Variants in PGAM5 observed in about 807,000 individuals in gnomAD.
PGAM5 encodes the protein PGAM family member 5, mitochondrial serine/threonine protein phosphatase, also known as serine/threonine-protein phosphatase PGAM5, mitochondrial.
A neutral mutation model predicts 30.6 loss-of-function variants in PGAM5; 25 were observed. That is an observed-to-expected ratio of 0.82 (90% CI 0.60 to 1.14). PGAM5 has a LOEUF of 1.14. PGAM5 is among the 50% of genes most tolerant of loss of function. The probability of loss-of-function intolerance (pLI) is 0.00; values close to 1 mark genes in which losing one functional copy is unlikely to be tolerated. For synonymous variants in PGAM5, 201 were observed against 179.1 expected (o/e 1.12, Z -0.98); for missense variants, 384 against 408.5 (o/e 0.94, Z 0.52).
intron 1 of PGAM5, among the ~76,000 whole-genome samples, chr12:132,714,301 G>C (rs7487204): frequency 0.13 from 19,532 of 152,298 alleles, 1,548 homozygotes; most frequent in African/African-American, 0.21. Flanking sequence ...ACACGTGTGA[G>C]CCACTGCACC....
At chr12:132,717,948 G>C in intron 4 of PGAM5, 39 bp from the exon 5 acceptor site, 1 of 1,610,546 alleles carries the variant, frequency 6.2e-7, no homozygotes, top group Non-Finnish European at 8.5e-7. Context: ...CGCCCTGCCC[G>C]AGCACTTCCG....
chr12:132,712,639 A>G (rs2043534351), intron 1 of PGAM5, among the ~76,000 whole-genome samples: 1 of 151,904 alleles, frequency 6.6e-6, no homozygotes, highest in Admixed American at 6.6e-5. Flanking sequence ...TATTTTTAGT[A>G]GAGACGGGGT....
intron 5 of PGAM5, 76 bp downstream of exon 5, chr12:132,718,196 A>G: frequency 6.4e-7 from 1 of 1,573,846 alleles, no homozygotes; most frequent in Non-Finnish European, 8.6e-7. Context: ...AAGCCGAGCG[A>G]GACCCTCCTC....
chr12:132,717,190 T>G (rs2043586388), intron 2 of PGAM5, among the ~76,000 whole-genome samples: 1 of 152,006 alleles, frequency 6.6e-6, no homozygotes, highest in African/African-American at 2.4e-5. Context: ...TTTTTTCCTG[T>G]ATGGGGGTGA....
In PGAM5 at chr12:132,714,857, G is replaced by C; in HGVS notation, c.192-1G>C. The C allele has an allele frequency of 1.2e-6, 2 of 1,613,554 alleles. No homozygotes were observed. Among genetic ancestry groups the C allele is most frequent in the South Asian group, 2.2e-5 (2 of 91,066 alleles). Reference sequence around the variant, plus strand: ...GGACATATCTTGTATTTCAACATCAGGCGAGAACCACTGTCTCTGATCAAC... The same window carrying C: ...GGACATATCTTGTATTTCAACATCACGCGAGAACCACTGTCTCTGATCAAC... On this transcript the variant is annotated splice_acceptor_variant, in intron 1 of 5. Transcript: ENST00000498926. LOFTEE classifies it high-confidence loss of function.
At chr12:132,712,186 T>G (rs2043529722) in intron 1 of PGAM5, among the ~76,000 whole-genome samples, 1 of 152,256 alleles carries the variant, frequency 6.6e-6, no homozygotes, top group Non-Finnish European at 1.5e-5. Flanking sequence ...GTTATTATAT[T>G]AGTTTATAAT....
chr12:132,714,820 C>T lies in PGAM5; in HGVS notation c.192-38C>T, dbSNP rs1565998168. 7.5e-6 allele frequency: 12 copies of T among 1,596,938 alleles called. No homozygotes were observed. The South Asian group carries it at 8.9e-5, about 12-fold the overall frequency. ...TGTCAGAAAAACTCAAACTTGGGAACAGAGGTCTCAAGGACATATCTTGTA... is the reference window on the plus strand; with the variant it reads ...TGTCAGAAAAACTCAAACTTGGGAATAGAGGTCTCAAGGACATATCTTGTA... On this transcript the variant is annotated intron_variant, in intron 1 of 5. Coordinates refer to ENST00000498926, the MANE Select transcript of PGAM5 (RefSeq NM_001170543.2).
intron 1 of PGAM5, among the ~76,000 whole-genome samples, chr12:132,712,177 TTATTA>T (rs1371494884): frequency 1.3e-5 from 2 of 152,244 alleles, no homozygotes; most frequent in Non-Finnish European, 2.9e-5. Context: ...TTAATTATAG[TTATTA>T]TATTAGTTTA....
At chr12:132,720,031 A>G (rs558410344) in intron 5 of PGAM5, among the ~76,000 whole-genome samples, 1 of 151,178 alleles carries the variant, frequency 6.6e-6, no homozygotes, top group African/African-American at 2.4e-5. Flanking sequence ...GATCTGTGCA[A>G]ATCTTGAGTT....
intron 1 of PGAM5, chr12:132,711,570 T>G (rs2043523181): frequency 6.6e-6 from 1 of 152,132 alleles, no homozygotes. Context: ...GAGGATCGCT[T>G]GAGAAATTTG....
chr12:132,718,639 C>G, intron 5 of PGAM5: 1 of 1,025,628 alleles, frequency 9.8e-7, no homozygotes. Flanking sequence ...GGTGGGGGGT[C>G]CTGGGTACGG....
At chr12:132,720,242 G>C (rs900846703) in intron 5 of PGAM5, among the ~76,000 whole-genome samples, 2 of 152,136 alleles carry the variant, frequency 1.3e-5, no homozygotes, top group East Asian at 3.9e-4. Flanking sequence ...TCTGTTTGTA[G>C]AACAGAGCCC....
rs1355338296 is a variant in PGAM5, at chr12:132,717,703, T to C, written c.497-7T>C. On this transcript the variant is annotated splice_region_variant and splice_polypyrimidine_tract_variant and intron_variant, in intron 3 of 5. Transcript: ENST00000498926. ...CTCACCCAGCGCTTCGCTGTGCTTC[T>C]CTGCAGGCGTCTGCAAAGTCAGCAC... is the stretch of plus-strand genomic sequence containing the variant. 6.4e-7 allele frequency: 1 copy of C among 1,567,844 alleles called. No individual in the cohort carries two copies. Among genetic ancestry groups the C allele is most frequent in the Non-Finnish European group, 8.6e-7 (1 of 1,156,212 alleles).
chr12:132,715,569 T>A (rs1252306495), intron 2 of PGAM5, among the ~76,000 whole-genome samples: 1 of 37,338 alleles, frequency 2.7e-5, no homozygotes, highest in Non-Finnish European at 5.5e-5. Context: ...AGACTCCGTC[T>A]CAAAAAAAAA....
In PGAM5 at chr12:132,720,750, C is replaced by T; in HGVS notation, c.792C>T (p.Ile264=). 1 of 1,536,358 alleles carries T rather than the reference C, an allele frequency of 6.5e-7. No homozygotes were observed. The highest frequency in any genetic ancestry group is 8.7e-7 in the Non-Finnish European group (1 of 1,146,874). ...LNNGSITHLV[I]RPNGRVALRT... ...ATGGCAGCATCACCCACCTGGTGATCCGACCCAACGGCCGAGTTGCGCTCA... is the reference window on the plus strand; with the variant it reads ...ATGGCAGCATCACCCACCTGGTGATTCGACCCAACGGCCGAGTTGCGCTCA... Residue 264 remains isoleucine (I), a synonymous_variant, in exon 6 of 6, where the codon ATC becomes ATT. Coordinates refer to ENST00000498926, the MANE Select transcript of PGAM5 (RefSeq NM_001170543.2).
At position 132,720,925 on chromosome 12, in the gene PGAM5, A is replaced by ATGC; in HGVS notation, c.*101_*103dup. 5 of 1,378,960 alleles carry ATGC rather than the reference A, an allele frequency of 3.6e-6. No homozygotes were observed. The highest frequency in any genetic ancestry group is 4.8e-6 in the Non-Finnish European group (5 of 1,037,474). The allele number at this position is 1,378,960 out of a possible 1,614,324, so 85.4% of individuals were successfully genotyped here. A position where few individuals can be genotyped will look rare whatever the true frequency, so the allele number is the denominator to read the frequency against. ...GACCGGCGGAAAGTAGAAACCTGCAATGCTGCATCTGGGAACTGACTTGTG... is the reference window on the plus strand; with the variant it reads ...GACCGGCGGAAAGTAGAAACCTGCAATGCTGCTGCATCTGGGAACTGACTTGTG... On this transcript the variant is annotated 3_prime_UTR_variant, in exon 6 of 6. Coordinates refer to ENST00000498926, the MANE Select transcript of PGAM5 (RefSeq NM_001170543.2).
At chr12:132,712,016 T>C (rs2043527618) in intron 1 of PGAM5, among the ~76,000 whole-genome samples, 1 of 152,204 alleles carries the variant, frequency 6.6e-6, no homozygotes, top group African/African-American at 2.4e-5. Flanking sequence ...CTCAGTACTT[T>C]GAGAAAGGGG....
In PGAM5 at chr12:132,720,644, A is replaced by G. The variant is rs2043634889; in HGVS notation, c.720-34A>G. On this transcript the variant is annotated intron_variant, in intron 5 of 5. Coordinates refer to ENST00000498926, the MANE Select transcript of PGAM5 (RefSeq NM_001170543.2). ...TTTAAGGACAGAGCCCCCTGGCTCT[A>G]ACGTGCTCTTTCTCTCTCTCTCTCT... 2.6e-6 allele frequency: 4 copies of G among 1,526,342 alleles called. No individual in the cohort carries two copies. The East Asian group carries it at 7.4e-5, about 28-fold the overall frequency. The allele number at this position is 1,526,342 out of a possible 1,614,324, so 94.5% of individuals were successfully genotyped here.
intron 5 of PGAM5, chr12:132,718,875 C>T (rs939094761): frequency 2.5e-5 from 40 of 1,610,770 alleles, no homozygotes; most frequent in East Asian, 4.5e-5. Flanking sequence ...TCGGGGTGTC[C>T]GCTCCCCTCT....
Sources: gnomAD v4.1 joint callset for allele counts (sites outside exome capture counted in the v4.1 genomes callset) on GRCh38, gnomAD v4.1.1 for gene constraint, MANE v1.5 for transcripts, NCBI Gene and HGNC (gene_info 2026-07-23, HGNC 2026-07-21) for gene names.